GALNT10: variants seen among roughly 807,000 people sequenced by gnomAD.
GALNT10 encodes GalNAc transferase 10.
In GALNT10, 41 loss-of-function variants were observed where a neutral mutation model predicts 75.0. That is an observed-to-expected ratio of 0.55 (90% CI 0.43 to 0.71). GALNT10 has a LOEUF of 0.71. Ranked by LOEUF, GALNT10 falls within the 30% of genes least tolerant of loss-of-function variation. The pLI is 0.00. For synonymous variants in GALNT10, 302 were observed against 313.0 expected, an observed-to-expected ratio of 0.96 and a Z score of 0.37; for missense variants, 727 against 818.5, an observed-to-expected ratio of 0.89 and a Z score of 1.36.
chr5:154,410,537 C>CAAGA (rs1027936903), intron 9 of GALNT10, among the ~76,000 whole-genome samples: 1 of 152,176 alleles, frequency 6.6e-6, no homozygotes, highest in Admixed American at 6.5e-5. Context: ...GGTGACAGAG[C>CAAGA]AAGACCCTGC....
chr5:154,308,006 C>T (rs1754460186), intron 3 of GALNT10, among the ~76,000 whole-genome samples: 1 of 147,204 alleles, frequency 6.8e-6, no homozygotes, highest in Admixed American at 6.7e-5. Flanking sequence ...AAATAGAGAT[C>T]TTTATTCACA....
chr5:154,213,511 C>T (rs1490634542), intron 1 of GALNT10, among the ~76,000 whole-genome samples: 1 of 152,178 alleles, frequency 6.6e-6, no homozygotes, highest in Non-Finnish European at 1.5e-5. Flanking sequence ...GAAATGCTTT[C>T]CCTCTTGAGG....
chr5:154,273,608 G>A (rs1753903931), intron 1 of GALNT10, among the ~76,000 whole-genome samples: 1 of 152,116 alleles, frequency 6.6e-6, no homozygotes, highest in African/African-American at 2.4e-5. Flanking sequence ...AATCTGGAGG[G>A]GATACACAAG....
At chr5:154,345,320 C>A (rs1755105121) in intron 4 of GALNT10, among the ~76,000 whole-genome samples, 1 of 152,132 alleles carries the variant, frequency 6.6e-6, no homozygotes, top group African/African-American at 2.4e-5. Context: ...TATTTAAGAT[C>A]TATTCTTTTA....
At chr5:154,257,443 C>G (rs1753631605) in intron 1 of GALNT10, among the ~76,000 whole-genome samples, 1 of 152,156 alleles carries the variant, frequency 6.6e-6, no homozygotes, top group South Asian at 2.1e-4. Context: ...CGACATTTGT[C>G]TTAGGACTCT....
At chr5:154,273,490 A>G (rs1278781566) in intron 1 of GALNT10, among the ~76,000 whole-genome samples, 1 of 152,212 alleles carries the variant, frequency 6.6e-6, no homozygotes, top group South Asian at 2.1e-4. Flanking sequence ...TTTGCAAGTT[A>G]TAAAAGGAGA....
intron 1 of GALNT10, among the ~76,000 whole-genome samples, chr5:154,216,932 C>G (rs2113651931): frequency 6.6e-6 from 1 of 152,180 alleles, no homozygotes; most frequent in East Asian, 1.9e-4. Context: ...AAAAAAATCT[C>G]CTCTCCTATC....
rs1335682581 is a variant in GALNT10, at chr5:154,416,200, G to A, written c.1653+268G>A. ...CATGCCTGTAATCCCAGCACTTTGG[G>A]AGGCTGAGGTGGGTGGATCACCTGA... is the stretch of plus-strand genomic sequence containing the variant. On this transcript the variant is annotated intron_variant, in intron 11 of 11. Coordinates refer to ENST00000297107, the MANE Select transcript of GALNT10 (RefSeq NM_198321.4). This position sits in a 1 kb window ranked among gnomAD's most constrained non-coding sequence, Gnocchi z 4.5. Among the ~76,000 whole-genome samples, 1 of 152,164 alleles carries A rather than the reference G, an allele frequency of 6.6e-6. No individual in the cohort carries two copies. Among genetic ancestry groups the A allele is most frequent in the African/African-American group, 2.4e-5 (1 of 41,446 alleles).
At chr5:154,221,407 C>T (rs1038450617) in intron 1 of GALNT10, among the ~76,000 whole-genome samples, 5 of 152,148 alleles carry the variant, frequency 3.3e-5, no homozygotes, top group African/African-American at 4.8e-5. Flanking sequence ...TGCACCGCTC[C>T]GGGGGTTAGG....
At chr5:154,343,548 A>G (rs1410799855) in intron 4 of GALNT10, among the ~76,000 whole-genome samples, 2 of 152,310 alleles carry the variant, frequency 1.3e-5, no homozygotes, top group East Asian at 3.9e-4. Context: ...CACCTGTTTG[A>G]GGCCTCAACC....
At chr5:154,326,518 GATAA>G (rs1754759678) in intron 3 of GALNT10, among the ~76,000 whole-genome samples, 3 of 152,140 alleles carry the variant, frequency 2.0e-5, no homozygotes, top group Non-Finnish European at 2.9e-5. Context: ...TTGATGAATA[GATAA>G]ATAAAATGTG....
chr5:154,393,672 A>G (rs1363835951), intron 7 of GALNT10, among the ~76,000 whole-genome samples: 1 of 152,076 alleles, frequency 6.6e-6, no homozygotes, highest in East Asian at 1.9e-4. Flanking sequence ...CATCTCTAAA[A>G]AAAAGTTCTT....
At chr5:154,214,736 C>T (rs760053748) in intron 1 of GALNT10, among the ~76,000 whole-genome samples, 2 of 152,142 alleles carry the variant, frequency 1.3e-5, no homozygotes, top group African/African-American at 4.8e-5. Flanking sequence ...CATTCTGTTT[C>T]TCTCCTCCAT....
At chr5:154,299,438 T>C (rs1308763674) in intron 3 of GALNT10, among the ~76,000 whole-genome samples, 3 of 152,226 alleles carry the variant, frequency 2.0e-5, no homozygotes, top group Admixed American at 2.0e-4. Context: ...GTAATTTGCA[T>C]AGGATGACAT....
Position 154,190,999 on chromosome 5 carries a change from G to A in GALNT10, c.133G>A (p.Ala45Thr). 7 of 1,486,594 alleles carry A rather than the reference G, an allele frequency of 4.7e-6. No homozygotes were observed. The highest frequency in any genetic ancestry group is 5.4e-6 in the Non-Finnish European group (6 of 1,116,874). The allele number at this position is 1,486,594 out of a possible 1,614,324, so 92.1% of individuals were successfully genotyped here. ...QPDGTPGGSG[A>T]AVAPAAGQGS... is the part of the protein sequence containing the mutation. ...CGACGGCACCCCTGGGGGATCGGGG[G>A]CGGCGGTGGCGCCGGCGGCGGGACA... The change falls in exon 1 of 12, where the codon GCG becomes ACG. Residue 45 changes from alanine (A) to threonine (T), a missense_variant. Coordinates refer to ENST00000297107, the MANE Select transcript of GALNT10 (RefSeq NM_198321.4).
At chr5:154,374,253 A>G (rs141045019) in intron 4 of GALNT10, among the ~76,000 whole-genome samples, 42 of 152,308 alleles carry the variant, frequency 2.8e-4, no homozygotes, top group African/African-American at 9.9e-4. Flanking sequence ...GGGAAGCCAT[A>G]TTAATCTTTG....
In GALNT10 at chr5:154,386,500, G is replaced by T. The variant is rs765739780; in HGVS notation, c.1056+70G>T. ...AGTGCCTGTCCCAGTAGGTGTCTCA[G>T]CTTCTGCCTGAGCTTGGAAAGACTG... is the stretch of plus-strand genomic sequence containing the variant. On this transcript the variant is annotated intron_variant, in intron 7 of 11. Transcript: ENST00000297107. 1.0e-5 allele frequency: 10 copies of T among 983,652 alleles called. No homozygotes were observed. In the East Asian group the frequency reaches 1.9e-4, roughly 19 times the overall value. 60.9% of individuals were successfully genotyped at this position (983,652 alleles called of 1,614,324 possible).
At chr5:154,397,105 C>T (rs546551996) in intron 7 of GALNT10, among the ~76,000 whole-genome samples, 1 of 139,944 alleles carries the variant, frequency 7.1e-6, no homozygotes, top group Admixed American at 7.3e-5. Flanking sequence ...CCATCCTGGG[C>T]AACAGAGCAA....
chr5:154,200,293 A>G (rs1775006310), intron 1 of GALNT10, among the ~76,000 whole-genome samples: 1 of 152,172 alleles, frequency 6.6e-6, no homozygotes, highest in South Asian at 2.1e-4. Context: ...CCAGTTCGCC[A>G]GGGTTCTGTG....
Sources: gnomAD v4.1 joint callset for allele counts (sites outside exome capture counted in the v4.1 genomes callset) on GRCh38, gnomAD v4.1.1 for gene constraint, Gnocchi (gnomAD v3.1) non-coding constraint, MANE v1.5 for transcripts, NCBI Gene and HGNC (gene_info 2026-07-23, HGNC 2026-07-21) for gene names.